Variants in PLEKHA7 observed in about 807,000 individuals in gnomAD.
The protein encoded by PLEKHA7 is pleckstrin homology domain-containing family A member 7.
PLEKHA7 carries 104 observed loss-of-function variants against 170.0 expected under a neutral mutation model. The observed-to-expected ratio is 0.61, with a 90% CI of 0.52 to 0.72. PLEKHA7 has a LOEUF of 0.72. Among genes scored for constraint, PLEKHA7 ranks in the 30% least tolerant of loss-of-function variants. PLEKHA7 has a pLI of 0.00. For synonymous variants in PLEKHA7, 648 were observed against 660.8 expected, an observed-to-expected ratio of 0.98 and a Z score of 0.30; for missense variants, 1,615 against 1,671.7, an observed-to-expected ratio of 0.97 and a Z score of 0.59.
At chr11:16,884,722 G>A (rs1394277282) in intron 3 of PLEKHA7, among the ~76,000 whole-genome samples, 1 of 152,156 alleles carries the variant, frequency 6.6e-6, no homozygotes, top group African/African-American at 2.4e-5. Flanking sequence ...GCAACTCTGG[G>A]CCCCAAGGAG....
intron 8 of PLEKHA7, 109 bp from the exon 9 acceptor site, chr11:16,841,831 C>T (rs1851990380): frequency 9.1e-7 from 1 of 1,103,998 alleles, no homozygotes; most frequent in Non-Finnish European, 1.3e-6. Context: ...AGCCCAAGCA[C>T]CACCCAACTT....
chr11:16,893,439 G>C (rs906880889), intron 3 of PLEKHA7, among the ~76,000 whole-genome samples: 2 of 152,184 alleles, frequency 1.3e-5, no homozygotes, highest in Non-Finnish European at 2.9e-5. Context: ...AACACAGGGA[G>C]CTCTTACAGC....
chr11:16,803,498 G>C, intron 13 of PLEKHA7: 3 of 571,444 alleles, frequency 5.2e-6, no homozygotes, highest in African/African-American at 3.7e-5. Context: ...ACCTTTTGAT[G>C]ATTCTAGTAA....
intron 3 of PLEKHA7, among the ~76,000 whole-genome samples, chr11:16,887,962 G>A (rs113870822): frequency 0.021 from 2,357 of 113,304 alleles, 61 homozygotes; most frequent in African/African-American, 0.073. Context: ...CTCTCTGCCC[G>A]GCCGCCCATC....
chr11:16,830,486 G>T (rs1313329139), intron 9 of PLEKHA7, among the ~76,000 whole-genome samples: 2 of 152,170 alleles, frequency 1.3e-5, no homozygotes, highest in Non-Finnish European at 2.9e-5. Context: ...CCAGGTAATT[G>T]TATCTCCTTG....
chr11:16,816,094 T>G, intron 12 of PLEKHA7, 84 bp downstream of exon 12: 1 of 1,175,744 alleles, frequency 8.5e-7, no homozygotes, highest in East Asian at 2.4e-5. Flanking sequence ...ATAGCTGCCC[T>G]CTGGACTGCA....
chr11:16,995,588 G>A lies in PLEKHA7; in HGVS notation c.221+18401C>T, dbSNP rs1590811715. 2.0e-5 allele frequency among the ~76,000 whole-genome samples: 3 copies of A among 151,994 alleles called. No individual in the cohort carries two copies. In the South Asian group the frequency reaches 6.2e-4, roughly 32 times the overall value. On this transcript the variant is annotated intron_variant, in intron 3 of 26. Transcript: ENST00000531066. ...TCACATGCCACCTGACCATCCTATC[G>A]CCTGAAGCATGTGGACATTTGCTTT... is the stretch of plus-strand genomic sequence containing the variant.
chr11:16,878,045 C>T (rs946164056), intron 3 of PLEKHA7, among the ~76,000 whole-genome samples: 4 of 152,198 alleles, frequency 2.6e-5, no homozygotes, highest in African/African-American at 9.7e-5. Flanking sequence ...CCCGCAAACT[C>T]AATACTCCTC....
chr11:16,781,649 G>C (rs1025930721), intron 26 of PLEKHA7, among the ~76,000 whole-genome samples: 1 of 152,176 alleles, frequency 6.6e-6, no homozygotes, highest in East Asian at 1.9e-4. Flanking sequence ...ACTCTGTGCA[G>C]GATCAGGCTG....
At chr11:16,800,597 A>G (rs1319061760) in intron 17 of PLEKHA7, among the ~76,000 whole-genome samples, 1 of 152,204 alleles carries the variant, frequency 6.6e-6, no homozygotes, top group East Asian at 1.9e-4. Context: ...AGGGGTGGGC[A>G]CTTCCTGCTG....
chr11:16,999,572 G>A (rs753112614), intron 3 of PLEKHA7, among the ~76,000 whole-genome samples: 5 of 152,008 alleles, frequency 3.3e-5, no homozygotes, highest in East Asian at 1.9e-4. Flanking sequence ...CCTGGGTAAC[G>A]GGGTGTACAT....
intron 3 of PLEKHA7, among the ~76,000 whole-genome samples, chr11:16,882,598 G>A (rs1478284711): frequency 6.6e-6 from 1 of 152,198 alleles, no homozygotes; most frequent in Non-Finnish European, 1.5e-5. Context: ...GGTCACAGAA[G>A]AGGTATACCC....
intron 3 of PLEKHA7, among the ~76,000 whole-genome samples, chr11:16,953,683 C>A (rs962918463): frequency 1.3e-5 from 2 of 152,064 alleles, no homozygotes; most frequent in African/African-American, 4.8e-5. Flanking sequence ...ATAAATAATT[C>A]TGTATTTAAG....
At chr11:16,782,461 C>CA (rs1167368162) in intron 26 of PLEKHA7, among the ~76,000 whole-genome samples, 14 of 152,222 alleles carry the variant, frequency 9.2e-5, no homozygotes, top group Non-Finnish European at 1.9e-4. Flanking sequence ...CTCATAGTCT[C>CA]AGAGGAAGTG....
chr11:16,831,692 A>C (rs543703455), intron 9 of PLEKHA7, among the ~76,000 whole-genome samples: 2 of 152,350 alleles, frequency 1.3e-5, no homozygotes, highest in Non-Finnish European at 2.9e-5. Flanking sequence ...TGGTTCCACC[A>C]CATATAAGCT....
intron 3 of PLEKHA7, among the ~76,000 whole-genome samples, chr11:16,914,995 G>A (rs1394270423): frequency 6.6e-6 from 1 of 152,182 alleles, no homozygotes; most frequent in Admixed American, 6.5e-5. Flanking sequence ...CCAGTGCCCT[G>A]AGACAGGCCA....
At chr11:16,873,043 G>A (rs1409154328) in intron 3 of PLEKHA7, among the ~76,000 whole-genome samples, 1 of 151,800 alleles carries the variant, frequency 6.6e-6, no homozygotes, top group Non-Finnish European at 1.5e-5. Context: ...TTTTTCCTTG[G>A]GTTAAAGTCT....
At chr11:16,805,308 A>G (rs1331359745) in intron 13 of PLEKHA7, among the ~76,000 whole-genome samples, 1 of 152,216 alleles carries the variant, frequency 6.6e-6, no homozygotes, top group Non-Finnish European at 1.5e-5. Flanking sequence ...GATATTTTAT[A>G]TAAAAAGGAC....
At chr11:16,944,801 C>T (rs566265419) in intron 3 of PLEKHA7, among the ~76,000 whole-genome samples, 2 of 152,118 alleles carry the variant, frequency 1.3e-5, no homozygotes, top group Non-Finnish European at 2.9e-5. Flanking sequence ...CTGATAATAA[C>T]GTTAATAACC....
Sources: allele counts gnomAD v4.1 joint callset (sites outside exome capture counted in the v4.1 genomes callset), GRCh38; gene constraint gnomAD v4.1.1; transcripts MANE v1.5; gene names NCBI Gene and HGNC (gene_info 2026-07-23, HGNC 2026-07-21).